Variants in ILRUN observed in about 807,000 individuals in gnomAD.
ILRUN encodes inflammation and lipid regulator with UBA-like and NBR1-like domains, also known as protein ILRUN.
Under a neutral mutation model 33.8 loss-of-function variants are expected in ILRUN, and 3 were observed. The ratio of observed to expected loss-of-function variants is 0.09; its 90% CI spans 0.04 to 0.23. The LOEUF is 0.23. Among genes scored for constraint, ILRUN ranks in the 10% least tolerant of loss-of-function variants. ILRUN has a pLI of 1.00. For missense variants in ILRUN, 210 were observed against 375.1 expected, an observed-to-expected ratio of 0.56 and a Z score of 3.64; for synonymous variants, 124 against 138.9, an observed-to-expected ratio of 0.89 and a Z score of 0.75.
intron 1 of ILRUN, among the ~76,000 whole-genome samples, chr6:34,657,781 G>A (rs150809447): frequency 6.6e-6 from 1 of 152,168 alleles, no homozygotes. Context: ...CTCCAATTCA[G>A]TGTCAGAAAG....
At chr6:34,633,166 G>A (rs1172774278) in intron 3 of ILRUN, among the ~76,000 whole-genome samples, 1 of 152,088 alleles carries the variant, frequency 6.6e-6, no homozygotes, top group Non-Finnish European at 1.5e-5. Context: ...TCAGAGCAAA[G>A]AAAATTATCA....
chr6:34,596,877 C>T (rs1168890947), intron 4 of ILRUN, among the ~76,000 whole-genome samples: 6 of 152,106 alleles, frequency 3.9e-5, no homozygotes, highest in Non-Finnish European at 7.4e-5. Context: ...TTTTCTGTTG[C>T]TCTTAACTAA....
intron 3 of ILRUN, among the ~76,000 whole-genome samples, chr6:34,635,052 A>T (rs1762329883): frequency 8.1e-6 from 1 of 123,850 alleles, no homozygotes; most frequent in Non-Finnish European, 1.6e-5. Flanking sequence ...AATATTTTTT[A>T]AAGTCCTCAA....
rs1161993873 is a variant in ILRUN, at chr6:34,587,767, AAAG to A, written c.*2795_*2797del. ...CCAAATTCAACTGTCCTCACGGCAA[AAAG>A]AAAAAAAGCATGCACACGTGCACAT... On this transcript the variant is annotated 3_prime_UTR_variant, in exon 5 of 5. Transcript: ENST00000374023. 3.3e-6 allele frequency: 1 copy of A among 299,014 alleles called. No individual in the cohort carries two copies. The highest frequency in any genetic ancestry group is 6.2e-6 in the Non-Finnish European group (1 of 162,430). The allele number at this position is 299,014 out of a possible 1,614,324, so 18.5% of individuals were successfully genotyped here.
At chr6:34,679,551 C>CA (rs1359099081) in intron 1 of ILRUN, among the ~76,000 whole-genome samples, 16 of 152,108 alleles carry the variant, frequency 1.1e-4, no homozygotes, top group Non-Finnish European at 2.1e-4. Context: ...TAGAATACTA[C>CA]AAAATCTTTA....
intron 1 of ILRUN, among the ~76,000 whole-genome samples, chr6:34,668,293 T>C (rs1170297901): frequency 6.6e-6 from 1 of 152,168 alleles, no homozygotes; most frequent in African/African-American, 2.4e-5. Context: ...TTTAAAAATA[T>C]GTCCACATAG....
chr6:34,662,817 C>T (rs373338137), intron 1 of ILRUN, among the ~76,000 whole-genome samples: 3 of 152,228 alleles, frequency 2.0e-5, no homozygotes, highest in African/African-American at 4.8e-5. Context: ...TGGCTCACAC[C>T]TGTAATCCCA....
Position 34,654,698 on chromosome 6 carries a change from A to G in ILRUN, c.240T>C (p.Asp80=), listed in dbSNP as rs1400718540. ...ISVPSMSFVE[D]VTIGEGESIP... ...TTGACTCCCCTTCTCCTATGGTGAC[A>G]TCTTCAACAAAGGACATAGAGGGCA... The change falls in exon 2 of 5, where the codon GAT becomes GAC. Residue 80 remains aspartate, a synonymous_variant. Coordinates refer to ENST00000374023, the MANE Select transcript of ILRUN (RefSeq NM_024294.4). 1 of 1,613,994 alleles carries G rather than the reference A, an allele frequency of 6.2e-7. No homozygotes were observed. The highest frequency in any genetic ancestry group is 2.2e-5 in the East Asian group (1 of 44,874).
intron 1 of ILRUN, among the ~76,000 whole-genome samples, chr6:34,673,519 T>C (rs1277420540): frequency 6.6e-6 from 1 of 152,010 alleles, no homozygotes; most frequent in East Asian, 1.9e-4. Context: ...AGAAAAGTAA[T>C]CCAAGCACAC....
Position 34,696,705 on chromosome 6 carries a change from C to T in ILRUN, c.-102G>A. ...GGGGGGCCGCTGCTAGCTAGCTTCG[C>T]GACCCCGCTCCTTTGAGGTAGGCCC... On this transcript the variant is annotated 5_prime_UTR_variant, in exon 1 of 5. Coordinates refer to ENST00000374023, the MANE Select transcript of ILRUN (RefSeq NM_024294.4). 2 of 1,304,624 alleles carry T rather than the reference C, an allele frequency of 1.5e-6. No individual in the cohort carries two copies. The highest frequency in any genetic ancestry group is 2.7e-5 in the South Asian group (2 of 74,490). The allele number at this position is 1,304,624 out of a possible 1,614,324, so 80.8% of individuals were successfully genotyped here.
chr6:34,683,383 C>A (rs1416247034), intron 1 of ILRUN, among the ~76,000 whole-genome samples: 1 of 140,502 alleles, frequency 7.1e-6, no homozygotes, highest in Non-Finnish European at 1.5e-5. Flanking sequence ...ATAGAAAATT[C>A]TGTTATATAT....
chr6:34,606,500 T>C (rs1761633619), intron 4 of ILRUN, 55 bp downstream of exon 4: 3 of 1,414,842 alleles, frequency 2.1e-6, no homozygotes, highest in Non-Finnish European at 2.0e-6. Flanking sequence ...CATGAAGGGG[T>C]ATCACAAGTC....
intron 4 of ILRUN, among the ~76,000 whole-genome samples, chr6:34,597,021 C>A (rs1761414224): frequency 6.6e-6 from 1 of 152,080 alleles, no homozygotes; most frequent in African/African-American, 2.4e-5. Context: ...CTCCATACAT[C>A]CTCCCTGTCA....
intron 1 of ILRUN, among the ~76,000 whole-genome samples, chr6:34,660,138 CAA>C (rs35747437): frequency 6.0e-5 from 8 of 132,334 alleles, no homozygotes; most frequent in Non-Finnish European, 4.9e-5. Context: ...CTCATCCCTT[CAA>C]AAAAAAAAAA....
chr6:34,651,575 C>T (rs1346543299), intron 2 of ILRUN, among the ~76,000 whole-genome samples: 2 of 152,102 alleles, frequency 1.3e-5, no homozygotes, highest in Non-Finnish European at 2.9e-5. Context: ...TTCAACAGTA[C>T]TCTAACAACT....
At position 34,589,062 on chromosome 6, in the gene ILRUN, C is replaced by A. The variant is rs1761246924; in HGVS notation, c.*1503G>T. 1 of 152,800 alleles carries A rather than the reference C, an allele frequency of 6.5e-6. No individual in the cohort carries two copies. Among genetic ancestry groups the A allele is most frequent in the African/African-American group, 2.4e-5 (1 of 41,472 alleles). 9.5% of individuals were successfully genotyped at this position (152,800 alleles called of 1,614,324 possible). On this transcript the variant is annotated 3_prime_UTR_variant, in exon 5 of 5. Transcript: ENST00000374023. Reference sequence around the variant, plus strand: ...TGGTAACAGGCAGGTGACCCTGCAACAGCACCCTGGATCCATATCCCTGGC... The same window carrying A: ...TGGTAACAGGCAGGTGACCCTGCAAAAGCACCCTGGATCCATATCCCTGGC...
chr6:34,672,200 T>G (rs1475738676), intron 1 of ILRUN, among the ~76,000 whole-genome samples: 2 of 151,994 alleles, frequency 1.3e-5, no homozygotes, highest in African/African-American at 2.4e-5. Flanking sequence ...CCTCCCGGGT[T>G]CTCCTGCCTC....
At chr6:34,658,565 G>A (rs1289032324) in intron 1 of ILRUN, among the ~76,000 whole-genome samples, 1 of 148,498 alleles carries the variant, frequency 6.7e-6, no homozygotes, top group African/African-American at 2.5e-5. Context: ...CCAGGACTTT[G>A]GGAGGCCGAG....
chr6:34,621,107 GT>G (rs1317514567), intron 3 of ILRUN, among the ~76,000 whole-genome samples: 5 of 152,160 alleles, frequency 3.3e-5, no homozygotes, highest in Non-Finnish European at 5.9e-5. Flanking sequence ...GAATCTAAGA[GT>G]TTACAACGAC....
Sources: allele counts gnomAD v4.1 joint callset (sites outside exome capture counted in the v4.1 genomes callset), GRCh38; gene constraint gnomAD v4.1.1; transcripts MANE v1.5; gene names NCBI Gene and HGNC (gene_info 2026-07-23, HGNC 2026-07-21).